Variants in PNPLA8 observed in about 807,000 individuals in gnomAD.
PNPLA8 encodes the protein patatin like domain 8, phospholipase A2.
PNPLA8 carries 39 observed loss-of-function variants against 76.9 expected under a neutral mutation model. That is an observed-to-expected ratio of 0.51 (90% CI 0.39 to 0.66). The LOEUF is 0.66. PNPLA8 is among the 30% of genes least tolerant of loss of function. The probability of loss-of-function intolerance (pLI) is 0.00; values close to 1 mark genes in which losing one functional copy is unlikely to be tolerated. For synonymous variants in PNPLA8, 301 were observed against 307.9 expected (o/e 0.98, Z 0.24); for missense variants, 887 against 918.0 (o/e 0.97, Z 0.44).
At chr7:108,489,214 CAT>C (rs1281723126) in intron 8 of PNPLA8, among the ~76,000 whole-genome samples, 4 of 152,204 alleles carry the variant, frequency 2.6e-5, no homozygotes, top group Non-Finnish European at 5.9e-5. Flanking sequence ...AAGCAAGAAG[CAT>C]AGAGTGCACC....
chr7:108,526,557 C>A (rs1864102778), upstream of PNPLA8, among the ~76,000 whole-genome samples: 1 of 152,220 alleles, frequency 6.6e-6, no homozygotes, highest in African/African-American at 2.4e-5. Flanking sequence ...TCCCTGAAGC[C>A]CCTGCCTGCG....
rs764173193 is a variant in PNPLA8 at position 108,487,767 on chromosome 7, G to C, written c.1870C>G (p.Leu624Val). ...CATACAAGTCAACTTACTTGATGAA[G>C]ATCATTTCCCAATGCATATTCTGCA... is the stretch of plus-strand genomic sequence containing the variant. Reference protein sequence around the residue: ...YFAEYALGNDLHQDGGLLLNN... With the variant: ...YFAEYALGNDVHQDGGLLLNN... The change falls in exon 9 of 11, where the codon CTT (leucine) becomes GTT (valine). Residue 624 changes from leucine (L) to valine (V), a missense_variant. Leu to Val is a conservative substitution (Grantham distance 32). Transcript: ENST00000257694. The C allele has an allele frequency of 6.3e-7, 1 of 1,594,440 alleles. No homozygotes were observed. Among genetic ancestry groups the C allele is most frequent in the Non-Finnish European group, 8.5e-7 (1 of 1,170,520 alleles).
At chr7:108,479,704 C>G (rs1168770230) in intron 9 of PNPLA8, 1 of 217,114 alleles carries the variant, frequency 4.6e-6, no homozygotes, top group Non-Finnish European at 9.3e-6. Context: ...CTACTTAAAG[C>G]CTAACAGAAA....
intron 2 of PNPLA8, among the ~76,000 whole-genome samples, chr7:108,520,050 A>C (rs1007127761): frequency 6.6e-6 from 1 of 152,162 alleles, no homozygotes; most frequent in Non-Finnish European, 1.5e-5. Context: ...TTCCCCTCTG[A>C]AAATAGCTAT....
chr7:108,472,246 T>C lies in PNPLA8; in HGVS notation c.*155A>G, dbSNP rs1859669515. 3.6e-6 allele frequency: 2 copies of C among 562,134 alleles called. No individual in the cohort carries two copies. The highest frequency in any genetic ancestry group is 2.0e-5 in the African/African-American group (1 of 50,540). 34.8% of individuals were successfully genotyped at this position (562,134 alleles called of 1,614,324 possible). The stretch of plus-strand genomic sequence containing the variant: ...ATTCTGTAACCAAGAATATTCTCTG[T>C]GCTATGCAAGCTGGTTGAAGCACCG... On this transcript the variant is annotated 3_prime_UTR_variant, in exon 11 of 11. Transcript: ENST00000257694.
chr7:108,517,995 G>C (rs1046136945), intron 2 of PNPLA8, among the ~76,000 whole-genome samples: 5 of 152,190 alleles, frequency 3.3e-5, no homozygotes, highest in African/African-American at 1.2e-4. Flanking sequence ...CTGGAGACTG[G>C]GAAGTCCAAG....
intron 4 of PNPLA8, among the ~76,000 whole-genome samples, chr7:108,505,859 G>A (rs1862383756): frequency 6.6e-6 from 1 of 152,080 alleles, no homozygotes. Context: ...TATGACAAGT[G>A]AGTTACAACC....
chr7:108,527,654 A>T (rs1166595314), upstream of PNPLA8: 3 of 152,238 alleles, frequency 2.0e-5, no homozygotes, highest in Non-Finnish European at 4.4e-5. Context: ...GGGTCAGTTC[A>T]TGGAAAATTA....
chr7:108,509,280 G>A (rs1360591014), intron 4 of PNPLA8, among the ~76,000 whole-genome samples: 2 of 60,838 alleles, frequency 3.3e-5, no homozygotes, highest in Non-Finnish European at 6.5e-5. Context: ...CTACTCATCT[G>A]ACAAAGGGCT....
intron 1 of PNPLA8, 111 bp downstream of exon 1, chr7:108,525,918 T>C: frequency 2.7e-6 from 1 of 365,750 alleles, no homozygotes; most frequent in Non-Finnish European, 3.8e-6. Context: ...ACCCTCTCGC[T>C]CGGGAAGTGC....
chr7:108,522,891 AACT>A (rs1350709895), intron 1 of PNPLA8, among the ~76,000 whole-genome samples: 1 of 152,242 alleles, frequency 6.6e-6, no homozygotes, highest in Non-Finnish European at 1.5e-5. Flanking sequence ...CTTTCTCAGA[AACT>A]ACAACTATCA....
chr7:108,490,591 G>C (rs769862630), intron 8 of PNPLA8, among the ~76,000 whole-genome samples: 1 of 152,016 alleles, frequency 6.6e-6, no homozygotes, highest in Non-Finnish European at 1.5e-5. Flanking sequence ...AGACTATCCT[G>C]GCTAACATGG....
chr7:108,491,488 AT>A (rs768618954), intron 7 of PNPLA8, 21 bp from the exon 8 acceptor site: 10 of 1,443,904 alleles, frequency 6.9e-6, no homozygotes, highest in African/African-American at 1.4e-5. Context: ...GGAGAAAAAA[AT>A]AAGTTATATC....
At chr7:108,517,841 C>G (rs940853351) in intron 2 of PNPLA8, among the ~76,000 whole-genome samples, 1 of 152,150 alleles carries the variant, frequency 6.6e-6, no homozygotes, top group Admixed American at 6.5e-5. Context: ...ATGATCATAG[C>G]TCACTCACTA....
chr7:108,486,001 A>G (rs1358664007), intron 9 of PNPLA8, among the ~76,000 whole-genome samples: 2 of 152,128 alleles, frequency 1.3e-5, no homozygotes, highest in Admixed American at 1.3e-4. Flanking sequence ...GTGGCTCAAA[A>G]TAAGTTAAAG....
intron 4 of PNPLA8, among the ~76,000 whole-genome samples, chr7:108,513,768 C>T (rs1053026487): frequency 2.6e-5 from 4 of 152,052 alleles, no homozygotes; most frequent in Non-Finnish European, 5.9e-5. Flanking sequence ...TACGAAAGGA[C>T]CATGAAATAA....
intron 4 of PNPLA8, among the ~76,000 whole-genome samples, chr7:108,512,448 C>G (rs948105830): frequency 2.0e-5 from 3 of 152,038 alleles, no homozygotes; most frequent in Non-Finnish European, 4.4e-5. Context: ...TTATCACAGA[C>G]AATTCCCTAA....
At chr7:108,488,057 T>C (rs1860876108) in intron 8 of PNPLA8, 104 bp from the exon 9 acceptor site, 6 of 545,032 alleles carry the variant, frequency 1.1e-5, no homozygotes, top group Non-Finnish European at 1.3e-5. Context: ...TCTACAACTA[T>C]ATGTGTAACA....
At chr7:108,522,082 T>A (rs1346203062) in intron 1 of PNPLA8, among the ~76,000 whole-genome samples, 1 of 151,446 alleles carries the variant, frequency 6.6e-6, no homozygotes, top group Non-Finnish European at 1.5e-5. Context: ...GATGACGAAG[T>A]CAGGAGTTCA....
Sources: gnomAD v4.1 joint callset for allele counts (sites outside exome capture counted in the v4.1 genomes callset) on GRCh38, gnomAD v4.1.1 for gene constraint, MANE v1.5 for transcripts, NCBI Gene and HGNC (gene_info 2026-07-23, HGNC 2026-07-21) for gene names.